CABP1: variants seen among roughly 807,000 people sequenced by gnomAD.
CABP1 encodes the protein calcium binding protein 1.
In CABP1, 17 loss-of-function variants were observed where a neutral mutation model predicts 34.3. That is an observed-to-expected ratio of 0.50 (90% confidence interval 0.34 to 0.74). The LOEUF is 0.74. Among genes scored for constraint, CABP1 ranks in the 30% least tolerant of loss-of-function variants. CABP1 has a pLI of 0.01. For synonymous variants in CABP1, 198 were observed against 229.2 expected, an observed-to-expected ratio of 0.86 and a Z score of 1.23; for missense variants, 373 against 511.1, an observed-to-expected ratio of 0.73 and a Z score of 2.61.
intron 5 of CABP1, among the ~76,000 whole-genome samples, chr12:120,663,775 A>G (rs570567675): frequency 8.0e-4 from 122 of 152,326 alleles, no homozygotes; most frequent in Admixed American, 1.3e-3. Context: ...AACTAGCTCA[A>G]GATTGCCTGC....
At chr12:120,668,661 C>T (rs371967022), downstream of CABP1, among the ~76,000 whole-genome samples, 4 of 152,186 alleles carry the variant, frequency 2.6e-5, no homozygotes, top group South Asian at 2.1e-4. Flanking sequence ...TTGCACCACA[C>T]GGCACACCCC....
At chr12:120,656,309 G>T in intron 1 of CABP1, 2 of 1,489,520 alleles carry the variant, frequency 1.3e-6, no homozygotes, top group Non-Finnish European at 1.8e-6. Flanking sequence ...GCTGAACTTG[G>T]CTTCACAGGG....
At chr12:120,648,847 C>A (rs548201385) in intron 1 of CABP1, among the ~76,000 whole-genome samples, 60 of 150,826 alleles carry the variant, frequency 4.0e-4, no homozygotes, top group East Asian at 2.7e-3. Context: ...CGGCACTGCA[C>A]TCCAGCCTGG....
At chr12:120,645,698 G>T (rs1261212446) in intron 1 of CABP1, among the ~76,000 whole-genome samples, 3 of 152,076 alleles carry the variant, frequency 2.0e-5, no homozygotes, top group African/African-American at 7.2e-5. Context: ...GTGTGGTGGT[G>T]GGCGCCTGTA....
At chr12:120,662,975 G>A (rs917781830) in intron 5 of CABP1, among the ~76,000 whole-genome samples, 2 of 152,196 alleles carry the variant, frequency 1.3e-5, no homozygotes, top group African/African-American at 2.4e-5. Flanking sequence ...GTGAGCCACT[G>A]CATCTGGCCT....
rs530595621 is a variant in CABP1, at chr12:120,642,995, G to GGAAAAAAAAAAA, written c.654+1656_654+1657insGAAAAAAAAAAA. Among the ~76,000 whole-genome samples the GGAAAAAAAAAAA allele has an allele frequency of 2.1e-3, 145 of 69,500 alleles. 4 individuals are homozygous for GGAAAAAAAAAAA. The highest frequency in any genetic ancestry group is 7.3e-3 in the East Asian group (16 of 2,202). 45.6% of individuals were successfully genotyped at this position (69,500 alleles called of 152,430 possible). On this transcript the variant is annotated intron_variant, in intron 1 of 5. Coordinates refer to ENST00000316803, the MANE Select transcript of CABP1 (RefSeq NM_001033677.2). ...TTGCAGCTGATCTGACTCAGCTCCT[G>GGAAAAAAAAAAA]AAAAAAAAAAAAAAAAAGAGTCCTT...
At chr12:120,677,373 C>A in the CABP1 span, among the ~76,000 whole-genome samples, 6 of 147,900 alleles carry the variant, frequency 4.1e-5, no homozygotes, top group Admixed American at 3.4e-4. Context: ...CAGGCATGAG[C>A]CACTATGCCC....
At position 120,666,999 on chromosome 12, in the gene CABP1, G is replaced by A; in HGVS notation, c.*99G>A. The A allele has an allele frequency of 6.9e-7, 1 of 1,450,106 alleles. No homozygotes were observed. The highest frequency in any genetic ancestry group is 9.4e-7 in the Non-Finnish European group (1 of 1,066,996). 89.8% of individuals were successfully genotyped at this position (1,450,106 alleles called of 1,614,324 possible). On this transcript the variant is annotated 3_prime_UTR_variant, in exon 6 of 6. Coordinates refer to ENST00000316803, the MANE Select transcript of CABP1 (RefSeq NM_001033677.2). ...GCTGTAGCCGCCGAGAGCCCAGGATGTACTGGCGGATGGGGCCTGCCTGCA... is the reference window on the plus strand; with the variant it reads ...GCTGTAGCCGCCGAGAGCCCAGGATATACTGGCGGATGGGGCCTGCCTGCA...
intron 1 of CABP1, among the ~76,000 whole-genome samples, chr12:120,647,703 G>A (rs1466033435): frequency 3.3e-5 from 5 of 150,664 alleles, no homozygotes; most frequent in South Asian, 2.1e-4. Context: ...GAGTAGCGGC[G>A]ACTGCAGGCA....
Position 120,640,792 on chromosome 12 carries a change from G to C in CABP1, c.107G>C (p.Gly36Ala). The change falls in exon 1 of 6, where the codon GGG becomes GCG. Residue 36 changes from glycine to alanine, a missense_variant. This residue lies in a region of CABP1 where 134 missense variants were observed against 145.4 expected (regional missense o/e 0.92). Coordinates refer to ENST00000316803, the MANE Select transcript of CABP1 (RefSeq NM_001033677.2). The surrounding 1 kb of genome is among the most constrained non-coding windows in gnomAD (Gnocchi z 6.2). ...CGGGAGCCCCGTTCTCTGCCCGCCG[G>C]GGGCCCCGCGCCGCGCCGCACCGCG... ...SRREPRSLPA[G>A]GPAPRRTAPP... The C allele has an allele frequency of 8.9e-7, 1 of 1,118,936 alleles. No individual in the cohort carries two copies. The highest frequency in any genetic ancestry group is 1.1e-6 in the Non-Finnish European group (1 of 917,038). 69.3% of individuals were successfully genotyped at this position (1,118,936 alleles called of 1,614,324 possible).
At position 120,660,698 on chromosome 12, in the gene CABP1, C is replaced by A; in HGVS notation, c.830-33C>A. On this transcript the variant is annotated intron_variant, in intron 3 of 5. Transcript: ENST00000316803. The surrounding 1 kb of genome is among the most constrained non-coding windows in gnomAD (Gnocchi z 5.0). The stretch of plus-strand genomic sequence containing the variant: ...AGTTGGAGACAGGGAATGGGTATGT[C>A]GGGGATGACCTAGCCCTTTCCTCCT... 1 of 1,441,100 alleles carries A rather than the reference C, an allele frequency of 6.9e-7. No homozygotes were observed. Among genetic ancestry groups the A allele is most frequent in the South Asian group, 1.1e-5 (1 of 87,496 alleles). The allele number at this position is 1,441,100 out of a possible 1,614,324, so 89.3% of individuals were successfully genotyped here.
At chr12:120,672,650 G>A in the CABP1 span, among the ~76,000 whole-genome samples, 2 of 144,792 alleles carry the variant, frequency 1.4e-5, no homozygotes, top group Non-Finnish European at 3.0e-5. Flanking sequence ...AGACTAAAAA[G>A]TATCGTGTTT....
At chr12:120,647,976 T>G (rs1314180108) in intron 1 of CABP1, among the ~76,000 whole-genome samples, 1 of 152,174 alleles carries the variant, frequency 6.6e-6, no homozygotes, top group Non-Finnish European at 1.5e-5. Context: ...CAGTGCCCAT[T>G]GGAGACAGAA....
chr12:120,669,561 C>T (rs1297680172), downstream of CABP1, among the ~76,000 whole-genome samples: 2 of 152,190 alleles, frequency 1.3e-5, no homozygotes. Flanking sequence ...AGTGGCAAGC[C>T]TGGCCAACAT....
chr12:120,653,405 A>C (rs567898998), intron 1 of CABP1, among the ~76,000 whole-genome samples: 96 of 152,230 alleles, frequency 6.3e-4, no homozygotes, highest in Middle Eastern at 3.2e-3. Flanking sequence ...GAGCACAGAG[A>C]GGTGAAATGA....
At chr12:120,647,627 A>T (rs1158772368) in intron 1 of CABP1, among the ~76,000 whole-genome samples, 1 of 136,012 alleles carries the variant, frequency 7.4e-6, no homozygotes, top group African/African-American at 2.9e-5. Context: ...GAGTGCAATG[A>T]CGCGATCTCG....
At chr12:120,650,817 G>T (rs1326023906) in intron 1 of CABP1, 3 of 876,464 alleles carry the variant, frequency 3.4e-6, no homozygotes, top group Non-Finnish European at 5.5e-6. Flanking sequence ...CTGCCTCCCT[G>T]CTTCTACCCC....
At chr12:120,666,575 G>T (rs142730987) in intron 5 of CABP1, among the ~76,000 whole-genome samples, 3 of 152,256 alleles carry the variant, frequency 2.0e-5, no homozygotes, top group African/African-American at 7.2e-5. Context: ...ACAGAGGTTG[G>T]GAGTTAGCCT....
chr12:120,659,494 G>GTTTT, intron 1 of CABP1: 1 of 162,212 alleles, frequency 6.2e-6, no homozygotes, highest in Non-Finnish European at 1.3e-5. Flanking sequence ...TTCTTTTTTT[G>GTTTT]TTTTTTTTTT....
Sources: allele counts gnomAD v4.1 joint callset (sites outside exome capture counted in the v4.1 genomes callset), GRCh38; gene constraint gnomAD v4.1.1; regional missense constraint gnomAD v4.1.1; non-coding constraint Gnocchi (gnomAD v3.1); transcripts MANE v1.5; gene names NCBI Gene and HGNC (gene_info 2026-07-23, HGNC 2026-07-21).